The following CRTAP variants were observed in gnomAD, a reference collection of about 807,000 sequenced individuals.
CRTAP encodes the protein cartilage-associated protein.
In CRTAP, 33 loss-of-function variants were observed where a neutral mutation model predicts 42.7. The ratio of observed to expected loss-of-function variants is 0.77; its 90% CI spans 0.59 to 1.03. The LOEUF (loss-of-function observed/expected upper bound fraction) is 1.03. Ranked by LOEUF, CRTAP falls within the 50% of genes least tolerant of loss-of-function variation. CRTAP has a pLI of 0.00. For synonymous variants in CRTAP, 243 were observed against 217.7 expected (o/e 1.12, Z -1.02); for missense variants, 613 against 533.9 (o/e 1.15, Z -1.46).
At chr3:33,136,766 A>C (rs1322490748) in intron 6 of CRTAP, among the ~76,000 whole-genome samples, 1 of 152,172 alleles carries the variant, frequency 6.6e-6, no homozygotes, top group Non-Finnish European at 1.5e-5. Flanking sequence ...GTGAGAACTC[A>C]CTTATTATCA....
intron 5 of CRTAP, among the ~76,000 whole-genome samples, chr3:33,133,324 T>C (rs112914048): frequency 4.5e-4 from 68 of 151,544 alleles, no homozygotes; most frequent in Non-Finnish European, 6.0e-4. Context: ...AGTGGCGTGA[T>C]CTTGGCTCAC....
chr3:33,120,490 T>A lies in CRTAP; in HGVS notation c.618T>A (p.Tyr206Ter). ...DYIKDLETKS[Y>*]ESLFIRAVRA... ...TTAAAGACCTGGAAACCAAGTCATA[T>A]GAAGTATGTTTGGATTTTTATGTGG... Residue 206 changes from tyrosine to a stop codon, truncating the protein, a stop_gained, in exon 2 of 7, where the codon TAT (tyrosine) becomes TAA (stop). Transcript: ENST00000320954. LOFTEE classifies it high-confidence loss of function. 6.2e-7 allele frequency: 1 copy of A among 1,608,990 alleles called. No homozygotes were observed. Among genetic ancestry groups the A allele is most frequent in the Non-Finnish European group, 8.5e-7 (1 of 1,177,098 alleles).
In CRTAP at chr3:33,129,268, G is replaced by A. The variant is rs2030166951; in HGVS notation, c.794-671G>A. Among the ~76,000 whole-genome samples, 4 of 152,134 alleles carry A rather than the reference G, an allele frequency of 2.6e-5. No homozygotes were observed. In the South Asian group the frequency reaches 8.3e-4, roughly 32 times the overall value. On this transcript the variant is annotated intron_variant, in intron 3 of 6. Transcript: ENST00000320954. The stretch of plus-strand genomic sequence containing the variant: ...CCATCAACAGAATATGAGAGTGTAA[G>A]TTTCACTGTTCTCTTCTTAATACTA...
At position 33,114,531 on chromosome 3, in the gene CRTAP, C is replaced by A; in HGVS notation, c.454C>A (p.Gln152Lys). 6.2e-7 allele frequency: 1 copy of A among 1,601,974 alleles called. No homozygotes were observed. The highest frequency in any genetic ancestry group is 8.5e-7 in the Non-Finnish European group (1 of 1,176,112). Residue 152 changes from glutamine to lysine, a missense_variant, in exon 1 of 7, where the codon CAG becomes AAG. Coordinates refer to ENST00000320954, the MANE Select transcript of CRTAP (RefSeq NM_006371.5). Reference protein sequence around the residue: ...FQRREPYKFLQFAYFKANNLP... With the variant: ...FQRREPYKFLKFAYFKANNLP... ...GCGCCGCGAGCCCTACAAGTTCCTG[C>A]AGTTCGCTTACTTCAAGGCAAGTCC...
intron 2 of CRTAP, among the ~76,000 whole-genome samples, chr3:33,122,147 C>A (rs997629592): frequency 6.6e-6 from 1 of 152,096 alleles, no homozygotes; most frequent in Non-Finnish European, 1.5e-5. Context: ...AAGCCGAGTG[C>A]GTGTGGTCAG....
intron 6 of CRTAP, among the ~76,000 whole-genome samples, chr3:33,136,076 C>T (rs1038921859): frequency 6.6e-6 from 1 of 152,210 alleles, no homozygotes; most frequent in African/African-American, 2.4e-5. Flanking sequence ...CCTCCAGCCC[C>T]TGGAAGACTC....
At chr3:33,130,176 T>C (rs759808844) in intron 4 of CRTAP, 109 bp downstream of exon 4, 3 of 1,082,068 alleles carry the variant, frequency 2.8e-6, no homozygotes, top group Non-Finnish European at 4.2e-6. Context: ...CAAGGTCCAC[T>C]GACAACCCTG....
At chr3:33,129,102 T>G (rs2030163769) in intron 3 of CRTAP, among the ~76,000 whole-genome samples, 1 of 152,244 alleles carries the variant, frequency 6.6e-6, no homozygotes, top group Non-Finnish European at 1.5e-5. Context: ...TGTTTGTTTG[T>G]TGTTATAAAC....
At chr3:33,125,241 A>G (rs2030024264) in intron 3 of CRTAP, among the ~76,000 whole-genome samples, 1 of 152,190 alleles carries the variant, frequency 6.6e-6, no homozygotes, top group Non-Finnish European at 1.5e-5. Flanking sequence ...TCCTGAAAGC[A>G]CTAGATAAGT....
chr3:33,125,006 A>G (rs1037058103), intron 3 of CRTAP, among the ~76,000 whole-genome samples: 3 of 152,228 alleles, frequency 2.0e-5, no homozygotes, highest in Non-Finnish European at 4.4e-5. Flanking sequence ...TTTTCTGATT[A>G]TAAAACAATG....
chr3:33,135,770 C>T (rs1335620696), intron 6 of CRTAP, among the ~76,000 whole-genome samples: 1 of 151,776 alleles, frequency 6.6e-6, no homozygotes, highest in Non-Finnish European at 1.5e-5. Context: ...TGTTTTTCTA[C>T]ATATTTATTA....
chr3:33,116,583 T>A (rs1231573788), intron 1 of CRTAP, among the ~76,000 whole-genome samples: 1 of 152,136 alleles, frequency 6.6e-6, no homozygotes, highest in Non-Finnish European at 1.5e-5. Flanking sequence ...GGTCTCGAAC[T>A]TCTAACCTCA....
At chr3:33,125,079 A>G (rs2030020569) in intron 3 of CRTAP, among the ~76,000 whole-genome samples, 1 of 152,248 alleles carries the variant, frequency 6.6e-6, no homozygotes, top group African/African-American at 2.4e-5. Flanking sequence ...AAGAAAATGT[A>G]AAACTCTACA....
At position 33,126,585 on chromosome 3, in the gene CRTAP, C is replaced by G. The variant is rs1045616789; in HGVS notation, c.793+2006C>G. On this transcript the variant is annotated intron_variant, in intron 3 of 6. Coordinates refer to ENST00000320954, the MANE Select transcript of CRTAP (RefSeq NM_006371.5). ...GAGGCACATAATGTCTGTGGTTTCT[C>G]TCCATCTATCTTTGATACAGCTAAG... is the stretch of plus-strand genomic sequence containing the variant. 3.3e-5 allele frequency among the ~76,000 whole-genome samples: 5 copies of G among 152,176 alleles called. No homozygotes were observed. The East Asian group carries it at 9.6e-4, about 29-fold the overall frequency.
intron 4 of CRTAP, among the ~76,000 whole-genome samples, chr3:33,131,833 G>A (rs557569703): frequency 1.2e-4 from 18 of 152,124 alleles, no homozygotes; most frequent in Admixed American, 7.2e-4. Context: ...TGGCTTCTCC[G>A]GCCAACCACA....
At position 33,114,046 on chromosome 3, in the gene CRTAP, C is replaced by T. The variant is rs978510283; in HGVS notation, c.-32C>T. ...TTCTCCCTCCCCTTTTCCCTTCCTTCGTCCCTTCCTTCCTTCCTTTCGCCG... is the reference window on the plus strand; with the variant it reads ...TTCTCCCTCCCCTTTTCCCTTCCTTTGTCCCTTCCTTCCTTCCTTTCGCCG... On this transcript the variant is annotated 5_prime_UTR_variant, in exon 1 of 7. Transcript: ENST00000320954. The T allele has an allele frequency of 1.5e-5, 22 of 1,421,720 alleles. No homozygotes were observed. The highest frequency in any genetic ancestry group is 1.6e-5 in the Non-Finnish European group (17 of 1,083,080). The allele number at this position is 1,421,720 out of a possible 1,614,324, so 88.1% of individuals were successfully genotyped here.
intron 6 of CRTAP, among the ~76,000 whole-genome samples, chr3:33,137,938 A>G (rs1231521374): frequency 6.6e-6 from 1 of 152,208 alleles, no homozygotes; most frequent in African/African-American, 2.4e-5. Context: ...TTACAGCACT[A>G]TTTGTTGAAA....
At chr3:33,133,404 G>C (rs532668764) in intron 5 of CRTAP, among the ~76,000 whole-genome samples, 3 of 151,834 alleles carry the variant, frequency 2.0e-5, no homozygotes, top group Admixed American at 6.6e-5. Flanking sequence ...GATTACAGGC[G>C]TGCACCAACA....
In CRTAP at chr3:33,120,208, C is replaced by G. The variant is rs72857451; in HGVS notation, c.472-136C>G. 7.0e-5 allele frequency: 56 copies of G among 805,752 alleles called. No individual in the cohort carries two copies. In the African/African-American group the frequency reaches 7.9e-4, roughly 11 times the overall value. 49.9% of individuals were successfully genotyped at this position (805,752 alleles called of 1,614,324 possible). Reference sequence around the variant, plus strand: ...GTGCCTGGACTTGGTCTTGAGGGGCCCTGGAAGTCATGGAACCTTTAGCTG... The same window carrying G: ...GTGCCTGGACTTGGTCTTGAGGGGCGCTGGAAGTCATGGAACCTTTAGCTG... On this transcript the variant is annotated intron_variant, in intron 1 of 6. Transcript: ENST00000320954.
Sources: gnomAD v4.1 joint callset for allele counts (sites outside exome capture counted in the v4.1 genomes callset) on GRCh38, gnomAD v4.1.1 for gene constraint, MANE v1.5 for transcripts, NCBI Gene and HGNC (gene_info 2026-07-23, HGNC 2026-07-21) for gene names.